Variants in CACNA1C observed in about 807,000 individuals in gnomAD.
CACNA1C encodes the protein voltage-dependent L-type calcium channel subunit alpha-1C.
In CACNA1C, 30 loss-of-function variants were observed where a neutral mutation model predicts 229.0. The ratio of observed to expected loss-of-function variants is 0.13; its 90% CI spans 0.10 to 0.18. The LOEUF is 0.18. Ranked by LOEUF, CACNA1C falls within the 10% of genes least tolerant of loss-of-function variation. The pLI is 1.00. For missense variants in CACNA1C, 1,658 were observed against 2,845.0 expected, an observed-to-expected ratio of 0.58 and a Z score of 9.49; for synonymous variants, 1,114 against 1,132.5, an observed-to-expected ratio of 0.98 and a Z score of 0.33.
intron 3 of CACNA1C, among the ~76,000 whole-genome samples, chr12:2,182,880 C>T (rs1009288232): frequency 6.6e-6 from 1 of 152,090 alleles, no homozygotes; most frequent in African/African-American, 2.4e-5. Context: ...GTGCTGTCCT[C>T]GGAAGAGAGG....
At chr12:2,384,339 G>A (rs1044596807) in intron 3 of CACNA1C, among the ~76,000 whole-genome samples, 5 of 152,168 alleles carry the variant, frequency 3.3e-5, no homozygotes, top group African/African-American at 1.2e-4. Context: ...TGTGCAAGTT[G>A]TTCTTTCTGA....
intron 1 of CACNA1C, among the ~76,000 whole-genome samples, chr12:1,995,028 T>C (rs183015034): frequency 6.8e-4 from 104 of 152,048 alleles, no homozygotes; most frequent in African/African-American, 2.4e-3. Context: ...CATCCCATTC[T>C]TGAGGAGTTA....
chr12:2,520,092 A>G (rs1310968213), intron 9 of CACNA1C, among the ~76,000 whole-genome samples: 2 of 151,994 alleles, frequency 1.3e-5, no homozygotes, highest in Non-Finnish European at 2.9e-5. Flanking sequence ...CAGTCTTCTC[A>G]TTGCCCAATG....
chr12:2,298,248 A>G (rs1002121356), intron 3 of CACNA1C, among the ~76,000 whole-genome samples: 3 of 152,170 alleles, frequency 2.0e-5, no homozygotes, highest in Non-Finnish European at 2.9e-5. Context: ...AAGGAACACA[A>G]TTGCTCATCC....
chr12:2,607,647 C>T (rs902777523), intron 26 of CACNA1C, among the ~76,000 whole-genome samples: 1 of 152,278 alleles, frequency 6.6e-6, no homozygotes, highest in East Asian at 1.9e-4. Flanking sequence ...ACTTCCTCTG[C>T]AGAGGCAATG....
intron 34 of CACNA1C, among the ~76,000 whole-genome samples, chr12:2,661,363 AAGAC>A (rs1323101308): frequency 1.3e-5 from 2 of 152,144 alleles, no homozygotes; most frequent in African/African-American, 4.8e-5. Flanking sequence ...TTTTAAAAAG[AAGAC>A]AGAGAACATC....
chr12:2,192,796 C>T (rs777993692), intron 3 of CACNA1C, among the ~76,000 whole-genome samples: 2 of 151,798 alleles, frequency 1.3e-5, no homozygotes, highest in South Asian at 2.1e-4. Flanking sequence ...GAAGACTTGG[C>T]GGTGCTGTGA....
intron 3 of CACNA1C, among the ~76,000 whole-genome samples, chr12:2,349,275 T>TGA (rs1567178298): frequency 6.6e-6 from 1 of 152,038 alleles, no homozygotes; most frequent in Non-Finnish European, 1.5e-5. Context: ...TGGTCCTGTG[T>TGA]GAGTGGAACC....
chr12:2,445,386 C>A (rs553241493), intron 3 of CACNA1C, among the ~76,000 whole-genome samples: 1 of 152,288 alleles, frequency 6.6e-6, no homozygotes, highest in South Asian at 2.1e-4. Context: ...TCTCCAGCAC[C>A]CAACACTTAC....
At position 2,486,469 on chromosome 12, in the gene CACNA1C, G is replaced by A. The variant is rs61909400; in HGVS notation, c.916+207G>A. Among the ~76,000 whole-genome samples the A allele has an allele frequency of 0.022, 3,384 of 152,212 alleles. 53 individuals are homozygous for A. Among genetic ancestry groups the A allele is most frequent in the Non-Finnish European group, 0.03 (2,070 of 68,008 alleles). On this transcript the variant is annotated intron_variant, in intron 6 of 46. Transcript: ENST00000399655. The surrounding 1 kb of genome is among the most constrained non-coding windows in gnomAD (Gnocchi z 4.9). The stretch of plus-strand genomic sequence containing the variant: ...TTTTTGTTTTAATCTCTGTTAAACC[G>A]GCCTAACGCAAACTTCGTTCAGCAC...
At chr12:2,082,394 C>T (rs1395018429) in intron 1 of CACNA1C, among the ~76,000 whole-genome samples, 2 of 152,140 alleles carry the variant, frequency 1.3e-5, no homozygotes, top group South Asian at 2.1e-4. Context: ...GGTGTCTTTC[C>T]AGGTGTCATA....
chr12:2,349,009 A>G (rs2097130568), intron 3 of CACNA1C, among the ~76,000 whole-genome samples: 1 of 152,216 alleles, frequency 6.6e-6, no homozygotes, highest in Admixed American at 6.5e-5. Flanking sequence ...GCTGTCACCC[A>G]AAACACACTG....
chr12:2,230,681 C>T (rs991141177), intron 3 of CACNA1C, among the ~76,000 whole-genome samples: 3 of 152,228 alleles, frequency 2.0e-5, no homozygotes, highest in African/African-American at 7.2e-5. Context: ...AATCTTCCAT[C>T]TTGGGTTGTG....
intron 1 of CACNA1C, among the ~76,000 whole-genome samples, chr12:2,018,797 T>G (rs1449057768): frequency 6.6e-6 from 1 of 152,198 alleles, no homozygotes; most frequent in African/African-American, 2.4e-5. Flanking sequence ...TGCTCAAAAT[T>G]TACATGTGAG....
chr12:2,080,625 G>T (rs1036233356), intron 1 of CACNA1C, among the ~76,000 whole-genome samples: 1 of 84,436 alleles, frequency 1.2e-5, no homozygotes, highest in African/African-American at 4.8e-5. Flanking sequence ...AAAACAAAGA[G>T]ATAAAGGAAG....
chr12:2,374,880 G>A (rs2097994739), intron 3 of CACNA1C, among the ~76,000 whole-genome samples: 1 of 152,222 alleles, frequency 6.6e-6, no homozygotes, highest in African/African-American at 2.4e-5. Flanking sequence ...TGCACTGGAA[G>A]TTGGGTTCAT....
At chr12:2,592,068 A>G (rs2065623043) in intron 18 of CACNA1C, among the ~76,000 whole-genome samples, 1 of 152,340 alleles carries the variant, frequency 6.6e-6, no homozygotes, top group African/African-American at 2.4e-5. Flanking sequence ...ATAAGGTCAC[A>G]TTGCAAAGTT....
At chr12:1,995,829 T>C (rs2040666002) in intron 1 of CACNA1C, among the ~76,000 whole-genome samples, 1 of 152,252 alleles carries the variant, frequency 6.6e-6, no homozygotes, top group African/African-American at 2.4e-5. Flanking sequence ...TTTTATTTCA[T>C]GGTTTCAACT....
chr12:2,359,428 C>T (rs1270848830), intron 3 of CACNA1C, among the ~76,000 whole-genome samples: 1 of 152,176 alleles, frequency 6.6e-6, no homozygotes, highest in Non-Finnish European at 1.5e-5. Flanking sequence ...GTACTACCTT[C>T]CTTAGACTTT....
Sources: gnomAD v4.1 joint callset for allele counts (sites outside exome capture counted in the v4.1 genomes callset) on GRCh38, gnomAD v4.1.1 for gene constraint, Gnocchi (gnomAD v3.1) non-coding constraint, MANE v1.5 for transcripts, NCBI Gene and HGNC (gene_info 2026-07-23, HGNC 2026-07-21) for gene names.